Variants in CIMAP1A observed in about 807,000 individuals in gnomAD.
The protein encoded by CIMAP1A is cancer/testis antigen 135.
the CIMAP1A span, chr11:199,248 T>C: frequency 2.0e-6 from 3 of 1,487,176 alleles, no homozygotes; most frequent in Non-Finnish European, 2.7e-6. Flanking sequence ...AAGGGGACCT[T>C]GATGCACGGG....
the CIMAP1A span, chr11:198,268 G>A: frequency 5.8e-5 from 93 of 1,614,000 alleles, no homozygotes; most frequent in East Asian, 3.3e-4. Context: ...ATCTCTGCCC[G>A]GACAAAGGCA....
chr11:198,044 T>C, the CIMAP1A span: 1 of 1,541,348 alleles, frequency 6.5e-7, no homozygotes, highest in South Asian at 1.2e-5. Flanking sequence ...AAGTCAGCAT[T>C]TCCATCCTGG....
At chr11:198,999 G>A in the CIMAP1A span, 2 of 1,191,654 alleles carry the variant, frequency 1.7e-6, no homozygotes, top group Non-Finnish European at 1.0e-6. Flanking sequence ...AGGGGCCTGA[G>A]ATGGGGAAGC....
the CIMAP1A span, chr11:197,573 A>G: frequency 1.9e-6 from 3 of 1,613,210 alleles, no homozygotes; most frequent in Non-Finnish European, 2.5e-6. Context: ...TTCATGAAGC[A>G]CACGCCCACC....
the CIMAP1A span, chr11:198,196 C>T: frequency 1.2e-6 from 2 of 1,613,312 alleles, no homozygotes; most frequent in South Asian, 2.2e-5. Context: ...GCTCCTTGTC[C>T]AGGTGACTAC....
At chr11:199,271 G>T in the CIMAP1A span, 1 of 1,510,714 alleles carries the variant, frequency 6.6e-7, no homozygotes, top group Non-Finnish European at 8.9e-7. Flanking sequence ...CCAACTTGTA[G>T]CTGACCCTGT....
the CIMAP1A span, chr11:199,702 T>C: frequency 7.0e-7 from 1 of 1,436,092 alleles, no homozygotes; most frequent in South Asian, 1.5e-5. Context: ...GAGGACCCTG[T>C]ACATTTCCAG....
the CIMAP1A span, chr11:198,886 G>A: frequency 3.2e-6 from 4 of 1,269,706 alleles, no homozygotes; most frequent in Non-Finnish European, 2.0e-6. Context: ...ATGGAAAGAA[G>A]AGGAGGAGGA....
At chr11:197,252 G>T in the CIMAP1A span, 1 of 1,345,498 alleles carries the variant, frequency 7.4e-7, no homozygotes, top group Non-Finnish European at 1.0e-6. Context: ...GCATGGGACA[G>T]GGCCGGGCCT....
At chr11:199,510 G>A in the CIMAP1A span, 4 of 1,553,406 alleles carry the variant, frequency 2.6e-6, no homozygotes, top group African/African-American at 5.5e-5. Flanking sequence ...CCCTGAGAAG[G>A]TCCAGGAAGA....
At chr11:198,857 C>G in the CIMAP1A span, 2 of 1,328,006 alleles carry the variant, frequency 1.5e-6, no homozygotes, top group Admixed American at 3.7e-5. Flanking sequence ...GAGAGAGAGG[C>G]AATCTTAGAT....
the CIMAP1A span, chr11:197,674 A>G: frequency 6.2e-7 from 1 of 1,613,718 alleles, no homozygotes; most frequent in Admixed American, 1.7e-5. Flanking sequence ...TGTAAACCCC[A>G]AGATACTGAG....
the CIMAP1A span, chr11:198,502 A>C: frequency 1.9e-6 from 3 of 1,613,210 alleles, no homozygotes; most frequent in Non-Finnish European, 2.5e-6. Context: ...AATGGGGCCC[A>C]ATACCGTCGG....
chr11:199,070 T>TC, the CIMAP1A span: 8 of 1,264,998 alleles, frequency 6.3e-6, no homozygotes, highest in Non-Finnish European at 8.0e-6. Flanking sequence ...GGCCCTCAGG[T>TC]CCAACAGGGC....
the CIMAP1A span, chr11:198,693 C>G: frequency 6.6e-7 from 1 of 1,509,544 alleles, no homozygotes; most frequent in Non-Finnish European, 8.8e-7. Flanking sequence ...GCCCCTCAGC[C>G]CCCTCAGCCC....
chr11:197,236 G>T, the CIMAP1A span: 8 of 1,128,200 alleles, frequency 7.1e-6, no homozygotes, highest in African/African-American at 1.1e-4. Flanking sequence ...GGGACATCAG[G>T]GGCCGGCATG....
At chr11:197,310 G>T in the CIMAP1A span, 1 of 1,576,542 alleles carries the variant, frequency 6.3e-7, no homozygotes, top group South Asian at 1.2e-5. Flanking sequence ...TGGCCATGAC[G>T]GAGGAGGTAT....
chr11:197,597 C>T, the CIMAP1A span: 5 of 1,613,414 alleles, frequency 3.1e-6, no homozygotes, highest in African/African-American at 1.3e-5. Context: ...CTGCGTGCAC[C>T]GGCCTACAGC....
At chr11:199,497 C>T in the CIMAP1A span, 12 of 1,556,274 alleles carry the variant, frequency 7.7e-6, no homozygotes, top group Admixed American at 3.9e-5. Context: ...CAGGCGCCCA[C>T]AGCCCTGAGA....
Sources: allele counts gnomAD v4.1 joint callset, GRCh38; gene constraint gnomAD v4.1.1; transcripts MANE v1.5; gene names NCBI Gene and HGNC (gene_info 2026-07-23, HGNC 2026-07-21).